CSMD1: variants seen among roughly 807,000 people sequenced by gnomAD.
The protein encoded by CSMD1 is CUB and Sushi multiple domains 1, also known as CUB and sushi domain-containing protein 1.
Under a neutral mutation model 417.5 loss-of-function variants are expected in CSMD1, and 213 were observed. The observed-to-expected ratio is 0.51, with a 90% confidence interval of 0.46 to 0.57. The LOEUF (loss-of-function observed/expected upper bound fraction) is 0.57. Ranked by LOEUF, CSMD1 falls within the 20% of genes least tolerant of loss-of-function variation. The probability of loss-of-function intolerance (pLI) is 0.00; values close to 1 mark genes in which losing one functional copy is unlikely to be tolerated. For synonymous variants in CSMD1, 2,862 were observed against 1,736.8 expected (o/e 1.65, Z -16.11); for missense variants, 6,923 against 4,529.7 (o/e 1.53, Z -15.17).
At chr8:3,497,063 C>T (rs1321128152) in intron 10 of CSMD1, among the ~76,000 whole-genome samples, 6 of 152,232 alleles carry the variant, frequency 3.9e-5, no homozygotes, top group South Asian at 2.1e-4. Context: ...GGATAACATA[C>T]GATCAGTCCT....
intron 1 of CSMD1, among the ~76,000 whole-genome samples, chr8:4,749,620 T>G (rs1811177389): frequency 6.6e-6 from 1 of 152,236 alleles, no homozygotes; most frequent in South Asian, 2.1e-4. Flanking sequence ...TCTTGGAATG[T>G]ACCAGCGTCA....
At chr8:3,655,450 C>T (rs562665190) in intron 7 of CSMD1, among the ~76,000 whole-genome samples, 1 of 152,128 alleles carries the variant, frequency 6.6e-6, no homozygotes, top group Non-Finnish European at 1.5e-5. Flanking sequence ...TTTCATTACT[C>T]TACATAATTA....
chr8:3,410,215 G>A (rs1469650113), intron 12 of CSMD1, among the ~76,000 whole-genome samples: 1 of 152,074 alleles, frequency 6.6e-6, no homozygotes, highest in Admixed American at 6.5e-5. Context: ...TGTCTCAAAT[G>A]TTAACTACAC....
intron 2 of CSMD1, among the ~76,000 whole-genome samples, chr8:4,519,381 A>G (rs1209023310): frequency 6.6e-6 from 1 of 152,154 alleles, no homozygotes; most frequent in Non-Finnish European, 1.5e-5. Context: ...GAAAAAGTAA[A>G]CATAAAAATA....
chr8:4,817,549 T>C (rs1799277231), intron 1 of CSMD1, among the ~76,000 whole-genome samples: 1 of 152,220 alleles, frequency 6.6e-6, no homozygotes, highest in Non-Finnish European at 1.5e-5. Flanking sequence ...CATGGTTTCC[T>C]TTTCAAAGTA....
intron 2 of CSMD1, among the ~76,000 whole-genome samples, chr8:4,471,623 C>G (rs1006276202): frequency 6.6e-6 from 1 of 152,068 alleles, no homozygotes; most frequent in South Asian, 2.1e-4. Context: ...TTACACCTAA[C>G]TCTGCGGCGA....
intron 49 of CSMD1, among the ~76,000 whole-genome samples, chr8:3,061,267 G>A (rs1353943689): frequency 6.6e-6 from 1 of 152,050 alleles, no homozygotes; most frequent in African/African-American, 2.4e-5. Flanking sequence ...CAAAACATCT[G>A]GACCCTACTA....
At chr8:4,867,032 T>C (rs1000283383) in intron 1 of CSMD1, among the ~76,000 whole-genome samples, 1 of 152,076 alleles carries the variant, frequency 6.6e-6, no homozygotes, top group South Asian at 2.1e-4. Context: ...TTGATTGCGT[T>C]TTTGTTTTTT....
intron 8 of CSMD1, among the ~76,000 whole-genome samples, chr8:3,588,761 G>A (rs1187593178): frequency 1.3e-5 from 2 of 151,878 alleles, no homozygotes; most frequent in Non-Finnish European, 2.9e-5. Flanking sequence ...CTTACGCACA[G>A]TAAAGGAAAC....
chr8:2,949,215 G>T, intron 68 of CSMD1, 84 bp downstream of exon 68: 1 of 734,620 alleles, frequency 1.4e-6, no homozygotes, highest in Non-Finnish European at 2.3e-6. Context: ...TTCTTTTAGA[G>T]TCGTCTTTTC....
chr8:3,232,685 T>C (rs1798910078), intron 26 of CSMD1, among the ~76,000 whole-genome samples: 3 of 152,166 alleles, frequency 2.0e-5, no homozygotes. Flanking sequence ...TTGGATAGTT[T>C]AGTCTCCTTA....
intron 2 of CSMD1, among the ~76,000 whole-genome samples, chr8:4,582,869 C>A (rs868091085): frequency 2.6e-5 from 4 of 152,212 alleles, no homozygotes; most frequent in African/African-American, 7.2e-5. Flanking sequence ...GAGGCACTTG[C>A]GGGCCAGCTG....
intron 49 of CSMD1, among the ~76,000 whole-genome samples, chr8:3,068,191 TC>T (rs1380568154): frequency 2.0e-5 from 3 of 152,200 alleles, no homozygotes; most frequent in African/African-American, 7.2e-5. Flanking sequence ...GTGGTAATTT[TC>T]TTCTTGTCAT....
intron 3 of CSMD1, among the ~76,000 whole-genome samples, chr8:4,258,250 C>G (rs1218132008): frequency 7.0e-6 from 1 of 143,724 alleles, no homozygotes; most frequent in Non-Finnish European, 1.5e-5. Context: ...CTACCCCTTC[C>G]TATCTTAAAG....
rs1017574498 is a variant in CSMD1, at chr8:3,805,197, A to G, written c.819-51155T>C. Among the ~76,000 whole-genome samples the G allele has an allele frequency of 3.3e-5, 5 of 152,132 alleles. No individual in the cohort carries two copies. The East Asian group carries it at 5.8e-4, about 18-fold the overall frequency. On this transcript the variant is annotated intron_variant, in intron 5 of 69. Transcript: ENST00000635120. ...CAATATTCCCCAGGACTACAACATGACAAGGGAAGGAGTCAGTTTCCTGCG... is the reference window on the plus strand; with the variant it reads ...CAATATTCCCCAGGACTACAACATGGCAAGGGAAGGAGTCAGTTTCCTGCG...
chr8:4,937,124 G>A (rs10094545), intron 1 of CSMD1, among the ~76,000 whole-genome samples: 412 of 152,290 alleles, frequency 2.7e-3, no homozygotes, highest in African/African-American at 9.0e-3. Flanking sequence ...GAAGGTGGAG[G>A]ACTGCTTGGG....
intron 2 of CSMD1, among the ~76,000 whole-genome samples, chr8:4,449,320 C>T (rs1005922281): frequency 1.3e-5 from 2 of 152,150 alleles, no homozygotes; most frequent in East Asian, 1.9e-4. Flanking sequence ...CTCAAATGAG[C>T]ATCTGTCTTC....
intron 7 of CSMD1, among the ~76,000 whole-genome samples, chr8:3,669,221 A>T (rs1364187117): frequency 3.3e-5 from 5 of 152,232 alleles, no homozygotes. Context: ...ATTCAAAGAC[A>T]CTAAATAAGG....
chr8:3,064,328 T>C (rs939033603), intron 49 of CSMD1, among the ~76,000 whole-genome samples: 9 of 152,022 alleles, frequency 5.9e-5, no homozygotes, highest in Admixed American at 1.3e-4. Flanking sequence ...GGTGAGTGAG[T>C]TCTCAGGAGA....
Sources: allele counts gnomAD v4.1 joint callset (sites outside exome capture counted in the v4.1 genomes callset), GRCh38; gene constraint gnomAD v4.1.1; transcripts MANE v1.5; gene names NCBI Gene and HGNC (gene_info 2026-07-23, HGNC 2026-07-21).